The following SENP5 variants were observed in gnomAD, a reference collection of about 807,000 sequenced individuals.
SENP5 encodes the protein sentrin-specific protease 5.
SENP5 carries 21 observed loss-of-function variants against 74.2 expected under a neutral mutation model. The ratio of observed to expected loss-of-function variants is 0.28; its 90% confidence interval spans 0.20 to 0.41. The LOEUF (loss-of-function observed/expected upper bound fraction) is 0.41, where lower values mean the gene tolerates loss of function less well. Ranked by LOEUF, SENP5 falls within the 10% of genes least tolerant of loss-of-function variation. The probability of loss-of-function intolerance (pLI) is 1.00; values close to 1 mark genes in which losing one functional copy is unlikely to be tolerated. For missense variants in SENP5, 717 were observed against 889.1 expected (o/e 0.81, Z 2.46); for synonymous variants, 311 against 312.7 (o/e 0.99, Z 0.06).
At chr3:196,906,982 A>G (rs1714927151) in intron 6 of SENP5, among the ~76,000 whole-genome samples, 1 of 152,108 alleles carries the variant, frequency 6.6e-6, no homozygotes, top group Non-Finnish European at 1.5e-5. Context: ...AATTAACAGG[A>G]TTTGGTGATA....
Position 196,886,642 on chromosome 3 carries a change from C to T in SENP5, c.1461C>T (p.Asn487=). The T allele has an allele frequency of 1.2e-6, 2 of 1,604,252 alleles. No homozygotes were observed. The highest frequency in any genetic ancestry group is 1.7e-6 in the Non-Finnish European group (2 of 1,175,992). ...KLENQVGGGK[N]SQKASPVDDE... is the part of the protein sequence containing the mutation. ...AAAATCAAGTAGGAGGTGGAAAGAA[C>T]AGTCAGAAAGCCTCTCCAGTGGATG... Residue 487 remains asparagine, a synonymous_variant, in exon 2 of 10, where the codon AAC becomes AAT. Transcript: ENST00000323460.
chr3:196,878,888 G>A (rs926473295), intron 1 of SENP5, among the ~76,000 whole-genome samples: 3 of 152,056 alleles, frequency 2.0e-5, no homozygotes, highest in South Asian at 2.1e-4. Flanking sequence ...CACCATGCCC[G>A]GCCTAAATTA....
At chr3:196,914,308 G>A (rs902990593) in intron 6 of SENP5, 4 of 151,766 alleles carry the variant, frequency 2.6e-5, no homozygotes, top group African/African-American at 4.8e-5. Flanking sequence ...GGCCATACTT[G>A]GTCATTCATG....
intron 2 of SENP5, among the ~76,000 whole-genome samples, chr3:196,898,948 A>G (rs558062581): frequency 3.3e-4 from 50 of 152,078 alleles, no homozygotes; most frequent in Admixed American, 5.3e-4. Flanking sequence ...GCGTGGTGGC[A>G]GGCGCCTGTA....
chr3:196,871,062 C>T (rs1311425310), intron 1 of SENP5, among the ~76,000 whole-genome samples: 3 of 151,742 alleles, frequency 2.0e-5, no homozygotes, highest in African/African-American at 4.8e-5. Context: ...CCCAGCTACT[C>T]GGGAGGCTGA....
chr3:196,907,448 C>T (rs796316484), intron 6 of SENP5, among the ~76,000 whole-genome samples: 37 of 118,106 alleles, frequency 3.1e-4, no homozygotes, highest in African/African-American at 9.3e-4. Context: ...AGAGAGACTC[C>T]GTCTCAAAAA....
intron 6 of SENP5, among the ~76,000 whole-genome samples, chr3:196,904,753 C>A (rs1714833568): frequency 6.6e-6 from 1 of 152,006 alleles, no homozygotes; most frequent in Non-Finnish European, 1.5e-5. Flanking sequence ...TGCACTATTG[C>A]ACTCCAGCCT....
intron 1 of SENP5, among the ~76,000 whole-genome samples, chr3:196,882,341 TTATC>T (rs1713763558): frequency 6.6e-6 from 1 of 152,150 alleles, no homozygotes; most frequent in Non-Finnish European, 1.5e-5. Flanking sequence ...AGGAACCTTT[TTATC>T]TTCCCAAACT....
rs1193694295 is a variant in SENP5, at chr3:196,885,679, T to C, written c.498T>C (p.Phe166=). The change falls in exon 2 of 10, where the codon TTT becomes TTC. Residue 166 remains phenylalanine (F), a synonymous_variant. Coordinates refer to ENST00000323460, the MANE Select transcript of SENP5 (RefSeq NM_152699.5). The part of the protein sequence containing the change: ...RPRTDPQPSD[F]PMKFNGESQS... ...GGACAGACCCACAACCTTCTGACTT[T>C]CCCATGAAGTTCAATGGGGAGAGCC... 2 of 1,614,066 alleles carry C rather than the reference T, an allele frequency of 1.2e-6. No homozygotes were observed. The highest frequency in any genetic ancestry group is 2.2e-5 in the East Asian group (1 of 44,888).
intron 6 of SENP5, among the ~76,000 whole-genome samples, chr3:196,920,900 A>G (rs888713460): frequency 9.9e-5 from 15 of 152,198 alleles, no homozygotes; most frequent in African/African-American, 3.6e-4. Context: ...GATTAAAGCA[A>G]ATCACATGAC....
rs529240359 is a variant in SENP5 at position 196,884,674 on chromosome 3, G to GTT, written c.-31-464_-31-463dup. Among the ~76,000 whole-genome samples, 528 of 138,594 alleles carry GTT rather than the reference G, an allele frequency of 3.8e-3. 5 individuals carry two copies. The highest frequency in any genetic ancestry group is 7.5e-3 in the African/African-American group (272 of 36,350). 90.9% of individuals were successfully genotyped at this position (138,594 alleles called of 152,430 possible). On this transcript the variant is annotated intron_variant, in intron 1 of 9. Transcript: ENST00000323460. Reference sequence around the variant, plus strand: ...AGGTTACAGAAATCAGTTTTTTTTTGTTTTTTTTTTTTTTGAGATGGAGTT... The same window carrying GTT: ...AGGTTACAGAAATCAGTTTTTTTTTGTTTTTTTTTTTTTTTTGAGATGGAGTT...
chr3:196,894,746 T>C (rs1714369580), intron 2 of SENP5, among the ~76,000 whole-genome samples: 1 of 152,176 alleles, frequency 6.6e-6, no homozygotes, highest in Non-Finnish European at 1.5e-5. Flanking sequence ...TGGCGCTCCT[T>C]ATTCACCTCT....
At chr3:196,871,989 G>T (rs2108802092) in intron 1 of SENP5, among the ~76,000 whole-genome samples, 1 of 152,264 alleles carries the variant, frequency 6.6e-6, no homozygotes. Flanking sequence ...GATTTAAGCA[G>T]TCTGCCCGCC....
chr3:196,885,873 T>G lies in SENP5; in HGVS notation c.692T>G (p.Met231Arg). 6.2e-7 allele frequency: 1 copy of G among 1,613,854 alleles called. No homozygotes were observed. The highest frequency in any genetic ancestry group is 1.1e-5 in the South Asian group (1 of 91,034). ...QHRRIKLSPL[M>R]MYEKLSMIRF... ...AGAAGGATAAAATTATCTCCTCTTA[T>G]GATGTATGAGAAATTATCCATGATT... Residue 231 changes from methionine to arginine, a missense_variant, in exon 2 of 10, where the codon ATG becomes AGG. By Grantham distance (91) the Met-to-Arg change is moderately conservative. Transcript: ENST00000323460.
intron 3 of SENP5, 41 bp from the exon 4 acceptor site, chr3:196,899,883 A>T (rs752423349): frequency 7.5e-6 from 12 of 1,605,028 alleles, no homozygotes; most frequent in Non-Finnish European, 7.7e-6. Context: ...AGAAGTACTC[A>T]TGTTTTTTTT....
intron 7 of SENP5, 46 bp downstream of exon 7, chr3:196,923,597 C>A: frequency 2.3e-6 from 3 of 1,327,112 alleles, no homozygotes; most frequent in Non-Finnish European, 3.2e-6. Flanking sequence ...TGTAATTGGC[C>A]AAATAGCATC....
chr3:196,877,496 A>G (rs983310963), intron 1 of SENP5, among the ~76,000 whole-genome samples: 6 of 152,180 alleles, frequency 3.9e-5, no homozygotes, highest in Non-Finnish European at 2.9e-5. Flanking sequence ...CTATCTCGCT[A>G]TTTTAAAAAA....
Position 196,885,906 on chromosome 3 carries a change from G to C in SENP5, c.725G>C (p.Arg242Pro). The change falls in exon 2 of 10, where the codon CGG becomes CCG. Residue 242 changes from arginine to proline, a missense_variant. By Grantham distance (103) the Arg-to-Pro change is moderately radical (BLOSUM62 -2). Coordinates refer to ENST00000323460, the MANE Select transcript of SENP5 (RefSeq NM_152699.5). ...GAGAAATTATCCATGATTAGATTTCGGTACAGGATTCTCAGATCCCAGCAC... is the reference window on the plus strand; with the variant it reads ...GAGAAATTATCCATGATTAGATTTCCGTACAGGATTCTCAGATCCCAGCAC... Reference protein sequence around the residue: ...MYEKLSMIRFRYRILRSQHFR... With the variant: ...MYEKLSMIRFPYRILRSQHFR... The C allele has an allele frequency of 2.5e-6, 4 of 1,613,692 alleles. No homozygotes were observed. Among genetic ancestry groups the C allele is most frequent in the Non-Finnish European group, 3.4e-6 (4 of 1,179,950 alleles).
intron 6 of SENP5, among the ~76,000 whole-genome samples, chr3:196,907,938 CATAAA>C (rs1213814222): frequency 6.6e-6 from 1 of 150,836 alleles, no homozygotes. Flanking sequence ...AAGAAGTATA[CATAAA>C]ATAATATGAA....
Sources: gnomAD v4.1 joint callset for allele counts (sites outside exome capture counted in the v4.1 genomes callset) on GRCh38, gnomAD v4.1.1 for gene constraint, MANE v1.5 for transcripts, NCBI Gene and HGNC (gene_info 2026-07-23, HGNC 2026-07-21) for gene names.